The following ADGRL2 variants were observed in gnomAD, a reference collection of about 807,000 sequenced individuals.
The protein encoded by ADGRL2 is calcium-independent alpha-latrotoxin receptor 2.
In ADGRL2, 44 loss-of-function variants were observed where a neutral mutation model predicts 157.4. The observed-to-expected ratio is 0.28, with a 90% CI of 0.22 to 0.36. The LOEUF (loss-of-function observed/expected upper bound fraction) is 0.36, where lower values mean the gene tolerates loss of function less well. ADGRL2 is among the 10% of genes least tolerant of loss of function. The pLI, the probability that ADGRL2 is intolerant of heterozygous loss-of-function variation, is 1.00. For missense variants in ADGRL2, 1,510 were observed against 1,768.9 expected, an observed-to-expected ratio of 0.85 and a Z score of 2.63; for synonymous variants, 585 against 624.7, an observed-to-expected ratio of 0.94 and a Z score of 0.95.
chr1:81,747,052 GTA>G (rs1014889067), intron 1 of ADGRL2, among the ~76,000 whole-genome samples: 9 of 144,054 alleles, frequency 6.2e-5, no homozygotes, highest in African/African-American at 2.0e-4. Context: ...ATGTATATAC[GTA>G]TATACACATG....
At chr1:81,433,511 G>C (rs2077358773) in intron 1 of ADGRL2, among the ~76,000 whole-genome samples, 1 of 152,120 alleles carries the variant, frequency 6.6e-6, no homozygotes, top group Non-Finnish European at 1.5e-5. Context: ...GTTTAGTCAG[G>C]AGCACCCTGT....
At chr1:81,555,181 C>A (rs1200205627) in intron 2 of ADGRL2, among the ~76,000 whole-genome samples, 1 of 151,246 alleles carries the variant, frequency 6.6e-6, no homozygotes, top group Non-Finnish European at 1.5e-5. Flanking sequence ...GGGATGTGAT[C>A]TAATAAGATC....
chr1:81,394,359 C>G (rs1163133125), intron 1 of ADGRL2, among the ~76,000 whole-genome samples: 1 of 152,030 alleles, frequency 6.6e-6, no homozygotes, highest in Non-Finnish European at 1.5e-5. Flanking sequence ...TTGTCTATCC[C>G]CCCTCCTCCT....
rs200831885 is a variant in ADGRL2 at position 81,990,699 on chromosome 1, G to A, written c.3964G>A (p.Asp1322Asn). The A allele has an allele frequency of 5.6e-6, 9 of 1,614,042 alleles. No homozygotes were observed. The African/African-American group carries it at 8.0e-5, about 14-fold the overall frequency. ...AGATGCTTCATCTTTAATGCACAGC[G>A]ACAACCCAGGGCTGGAGCTCCATCA... Reference protein sequence around the residue: ...VADASSLMHSDNPGLELHHKE... With the variant: ...VADASSLMHSNNPGLELHHKE... The change falls in exon 24 of 24, where the codon GAC (aspartate) becomes AAC (asparagine). Residue 1322 changes from aspartate to asparagine, a missense_variant. Physicochemically the swap from Asp to Asn is conservative, Grantham distance 23. Coordinates refer to ENST00000686636, the MANE Select transcript of ADGRL2 (RefSeq NM_001366006.2).
Position 81,461,367 on chromosome 1 carries a change from C to T in ADGRL2, c.-248+16278C>T, listed in dbSNP as rs886974435. Among the ~76,000 whole-genome samples the T allele has an allele frequency of 7.3e-5, 11 of 150,830 alleles. No individual in the cohort carries two copies. The East Asian group carries it at 2.0e-3, about 27-fold the overall frequency. On this transcript the variant is annotated intron_variant, in intron 2 of 24. Transcript: ENST00000370721. Reference sequence around the variant, plus strand: ...AACATATCAGATGTTTGTAGTAATCCTTGGTCAAGGATTTAGAAGAGTGTC... The same window carrying T: ...AACATATCAGATGTTTGTAGTAATCTTTGGTCAAGGATTTAGAAGAGTGTC...
intron 5 of ADGRL2, 124 bp from the exon 6 acceptor site, chr1:81,942,845 C>T (rs764572707): frequency 1.2e-5 from 9 of 755,536 alleles, no homozygotes; most frequent in Middle Eastern, 4.6e-4. Context: ...ATGAAGTATA[C>T]ATTTTGGTAA....
rs1051936336 is a variant in ADGRL2, at chr1:81,650,588, A to G, written c.-143+69608A>G. On this transcript the variant is annotated intron_variant, in intron 3 of 24. Transcript: ENST00000370721. ...AGACTCCATCTCAAAAAAAAAAAAA[A>G]AAAAAGAAAAAGAAAAGAAAAGAAA... 2.7e-4 allele frequency among the ~76,000 whole-genome samples: 41 copies of G among 151,706 alleles called. 1 individual carries two copies. The highest frequency in any genetic ancestry group is 3.4e-3 in the Middle Eastern group (1 of 292).
At chr1:81,867,112 GTTACTTT>G (rs1557805970) in intron 2 of ADGRL2, among the ~76,000 whole-genome samples, 2 of 152,014 alleles carry the variant, frequency 1.3e-5, no homozygotes, top group Non-Finnish European at 2.9e-5. Context: ...TAAAATAGTG[GTTACTTT>G]TAAAACTGGG....
At chr1:81,326,089 T>A (rs1162424592) in intron 1 of ADGRL2, among the ~76,000 whole-genome samples, 1 of 152,236 alleles carries the variant, frequency 6.6e-6, no homozygotes, top group African/African-American at 2.4e-5. Flanking sequence ...AAGTTTGTCA[T>A]ATCTTGATGT....
chr1:81,487,091 C>CA (rs146122539), intron 2 of ADGRL2, among the ~76,000 whole-genome samples: 52,554 of 85,024 alleles, frequency 0.62, 15,571 homozygotes, highest in Non-Finnish European at 0.72. Context: ...CTCATCTCTA[C>CA]AAAAAAAAAA....
chr1:81,966,697 G>C lies in ADGRL2; in HGVS notation c.2349+88G>C, dbSNP rs145902401. The C allele has an allele frequency of 9.9e-5, 109 of 1,104,022 alleles. No individual in the cohort carries two copies. The African/African-American group carries it at 1.5e-3, about 15-fold the overall frequency. The allele number at this position is 1,104,022 out of a possible 1,614,324, so 68.4% of individuals were successfully genotyped here. A position where few individuals can be genotyped will look rare whatever the true frequency, so the allele number is the denominator to read the frequency against. ...AACTGAGGTGCTGGGGATGGGGAGA[G>C]AACTGGGGAGATGGGAGGGAGGAAA... On this transcript the variant is annotated intron_variant, in intron 13 of 23. Transcript: ENST00000686636.
At position 81,944,888 on chromosome 1, in the gene ADGRL2, G is replaced by A. The variant is rs578060075; in HGVS notation, c.1210+1119G>A. Among the ~76,000 whole-genome samples, 7 of 152,044 alleles carry A rather than the reference G, an allele frequency of 4.6e-5. 1 individual carries two copies. The South Asian group carries it at 1.4e-3, about 31-fold the overall frequency. On this transcript the variant is annotated intron_variant, in intron 6 of 23. Coordinates refer to ENST00000686636, the MANE Select transcript of ADGRL2 (RefSeq NM_001366006.2). Reference sequence around the variant, plus strand: ...GTTTTAAATATTGTCATACGGTCAGGACCTCAAAAGCAGAAGTCACAGCTC... The same window carrying A: ...GTTTTAAATATTGTCATACGGTCAGAACCTCAAAAGCAGAAGTCACAGCTC...
chr1:81,878,970 C>A (rs555919522), intron 2 of ADGRL2, among the ~76,000 whole-genome samples: 1 of 152,094 alleles, frequency 6.6e-6, no homozygotes, highest in East Asian at 1.9e-4. Context: ...ATACTTCCCC[C>A]AAAACATTTA....
rs1654709145 is a variant in ADGRL2, at chr1:81,959,720, C to A, written c.2017+3660C>A. On this transcript the variant is annotated intron_variant, in intron 11 of 23. Coordinates refer to ENST00000686636, the MANE Select transcript of ADGRL2 (RefSeq NM_001366006.2). The stretch of plus-strand genomic sequence containing the variant: ...GTTTCAAAAGATAACAAAGTGTGTT[C>A]ACATTTTCATAAATTTATTAATACT... 2.6e-5 allele frequency among the ~76,000 whole-genome samples: 4 copies of A among 152,104 alleles called. No homozygotes were observed. The South Asian group carries it at 8.3e-4, about 32-fold the overall frequency.
At chr1:81,413,234 A>G (rs2076978450) in intron 1 of ADGRL2, among the ~76,000 whole-genome samples, 1 of 152,168 alleles carries the variant, frequency 6.6e-6, no homozygotes, top group African/African-American at 2.4e-5. Context: ...TGAAAGCAGC[A>G]TAAATTCCTA....
chr1:81,988,332 A>G (rs1663781649), intron 23 of ADGRL2: 1 of 152,218 alleles, frequency 6.6e-6, no homozygotes, highest in African/African-American at 2.4e-5. Flanking sequence ...TTTGGATTAT[A>G]TCCAGTGTAT....
At chr1:81,421,024 A>C (rs2077114932) in intron 1 of ADGRL2, among the ~76,000 whole-genome samples, 1 of 152,192 alleles carries the variant, frequency 6.6e-6, no homozygotes, top group Non-Finnish European at 1.5e-5. Flanking sequence ...AAAAAACCTC[A>C]AATAGCATCT....
chr1:81,692,571 A>C (rs1306626929), intron 3 of ADGRL2, among the ~76,000 whole-genome samples: 1 of 152,214 alleles, frequency 6.6e-6, no homozygotes, highest in Admixed American at 6.5e-5. Context: ...TTGTGCAAAA[A>C]ATGAGAATTG....
intron 3 of ADGRL2, among the ~76,000 whole-genome samples, chr1:81,677,739 C>T (rs568692752): frequency 4.6e-5 from 7 of 152,302 alleles, no homozygotes; most frequent in African/African-American, 1.7e-4. Context: ...GAAGACTCAA[C>T]TACTGCCAAC....
Sources: gnomAD v4.1 joint callset for allele counts (sites outside exome capture counted in the v4.1 genomes callset) on GRCh38, gnomAD v4.1.1 for gene constraint, MANE v1.5 for transcripts, NCBI Gene and HGNC (gene_info 2026-07-23, HGNC 2026-07-21) for gene names.